PDE3A: variants seen among roughly 807,000 people sequenced by gnomAD.
PDE3A encodes the protein phosphodiesterase 3A.
A neutral mutation model predicts 98.3 loss-of-function variants in PDE3A; 43 were observed. The observed-to-expected ratio is 0.44, with a 90% CI of 0.34 to 0.56. The LOEUF is 0.56. Ranked by LOEUF, PDE3A falls within the 20% of genes least tolerant of loss-of-function variation. PDE3A has a pLI of 0.01. For missense variants in PDE3A, 1,427 were observed against 1,440.7 expected (o/e 0.99, Z 0.15); for synonymous variants, 663 against 567.9 (o/e 1.17, Z -2.38).
chr12:20,629,313 T>A (rs543256147), intron 5 of PDE3A, among the ~76,000 whole-genome samples: 5 of 152,306 alleles, frequency 3.3e-5, no homozygotes, highest in African/African-American at 1.2e-4. Context: ...TTATATTACA[T>A]TTTAAAATGT....
At chr12:20,589,340 A>AT (rs987489768) in intron 2 of PDE3A, among the ~76,000 whole-genome samples, 1 of 152,138 alleles carries the variant, frequency 6.6e-6, no homozygotes, top group Non-Finnish European at 1.5e-5. Context: ...CAGAAACAAT[A>AT]TTTTTGCCAT....
chr12:20,491,653 G>A (rs2121047801), intron 1 of PDE3A, among the ~76,000 whole-genome samples: 1 of 152,220 alleles, frequency 6.6e-6, no homozygotes, highest in Non-Finnish European at 1.5e-5. Context: ...ATGTCATGTA[G>A]GCATCATACT....
At chr12:20,561,539 G>A (rs533005174) in intron 2 of PDE3A, among the ~76,000 whole-genome samples, 2 of 152,142 alleles carry the variant, frequency 1.3e-5, no homozygotes, top group African/African-American at 2.4e-5. Context: ...ACTTTGATTC[G>A]CAAAACATGG....
chr12:20,502,315 A>G (rs935730133), intron 1 of PDE3A, among the ~76,000 whole-genome samples: 1 of 152,180 alleles, frequency 6.6e-6, no homozygotes, highest in Non-Finnish European at 1.5e-5. Flanking sequence ...TCACAATCAT[A>G]CAGAAAAGTA....
intron 1 of PDE3A, among the ~76,000 whole-genome samples, chr12:20,465,411 A>G (rs1346399136): frequency 2.6e-5 from 4 of 151,868 alleles, no homozygotes; most frequent in Non-Finnish European, 5.9e-5. Flanking sequence ...ATTTTATTTT[A>G]TTTATTTGTT....
intron 1 of PDE3A, among the ~76,000 whole-genome samples, chr12:20,443,535 T>C (rs1024573499): frequency 3.9e-5 from 6 of 152,186 alleles, no homozygotes; most frequent in Non-Finnish European, 5.9e-5. Flanking sequence ...TTCAAAAAAT[T>C]TGACTAGTCA....
At chr12:20,397,750 G>A (rs1001811698) in intron 1 of PDE3A, among the ~76,000 whole-genome samples, 2 of 151,874 alleles carry the variant, frequency 1.3e-5, no homozygotes, top group African/African-American at 4.8e-5. Flanking sequence ...ATATTTTAAA[G>A]ATGGCCTATA....
intron 1 of PDE3A, among the ~76,000 whole-genome samples, chr12:20,525,605 A>G (rs1449697374): frequency 2.0e-5 from 3 of 152,180 alleles, no homozygotes; most frequent in Non-Finnish European, 4.4e-5. Flanking sequence ...ATTTCAGAAT[A>G]TAACACCAGT....
intron 15 of PDE3A, among the ~76,000 whole-genome samples, chr12:20,674,741 G>A (rs947554787): frequency 1.3e-5 from 2 of 151,888 alleles, no homozygotes; most frequent in African/African-American, 2.4e-5. Context: ...ATACATACTT[G>A]TTCAAAATAG....
At chr12:20,642,527 AT>A (rs1445231301) in intron 10 of PDE3A, among the ~76,000 whole-genome samples, 1 of 152,176 alleles carries the variant, frequency 6.6e-6, no homozygotes, top group Non-Finnish European at 1.5e-5. Context: ...ATCCATTCAT[AT>A]TCATTCATCG....
chr12:20,472,536 A>C (rs567555491), intron 1 of PDE3A, among the ~76,000 whole-genome samples: 4 of 152,236 alleles, frequency 2.6e-5, no homozygotes, highest in African/African-American at 7.2e-5. Context: ...TCAGTTGTTA[A>C]ATCTGTCTCT....
rs1945960966 is a variant in PDE3A, at chr12:20,686,343, T to C, written c.*6072T>C. On this transcript the variant is annotated 3_prime_UTR_variant, in exon 16 of 16. Coordinates refer to ENST00000359062, the MANE Select transcript of PDE3A (RefSeq NM_000921.5). ...ATAAAATAAATGTTCTATTAATGTA[T>C]ATTTTATTTTACTAAGTTCTAACAC... Among the ~76,000 whole-genome samples, 2 of 152,158 alleles carry C rather than the reference T, an allele frequency of 1.3e-5. No homozygotes were observed. Among genetic ancestry groups the C allele is most frequent in the Middle Eastern group, 3.2e-3 (1 of 316 alleles).
chr12:20,527,972 C>A (rs1031587921), intron 1 of PDE3A, among the ~76,000 whole-genome samples: 1 of 151,498 alleles, frequency 6.6e-6, no homozygotes, highest in Non-Finnish European at 1.5e-5. Context: ...TCTGTCTACC[C>A]GGCTGTAAGT....
chr12:20,477,017 A>T (rs1255616596), intron 1 of PDE3A, among the ~76,000 whole-genome samples: 1 of 152,178 alleles, frequency 6.6e-6, no homozygotes, highest in Non-Finnish European at 1.5e-5. Flanking sequence ...CTTGTTAACT[A>T]CTAATACTAT....
intron 15 of PDE3A, among the ~76,000 whole-genome samples, chr12:20,667,973 G>T (rs575596133): frequency 2.6e-5 from 4 of 152,130 alleles, no homozygotes; most frequent in African/African-American, 9.7e-5. Flanking sequence ...GACAGTGGGC[G>T]CAGGTCAGTG....
At chr12:20,653,643 G>A (rs941040515) in intron 14 of PDE3A, among the ~76,000 whole-genome samples, 1 of 152,180 alleles carries the variant, frequency 6.6e-6, no homozygotes. Flanking sequence ...ACCACGCCCA[G>A]CCTCACCATT....
At chr12:20,386,308 TA>T (rs1158597331) in intron 1 of PDE3A, among the ~76,000 whole-genome samples, 30 of 141,652 alleles carry the variant, frequency 2.1e-4, no homozygotes, top group African/African-American at 4.7e-4. Context: ...AAAAAAATAC[TA>T]AAAAAAAATT....
chr12:20,444,537 G>A (rs1944922395), intron 1 of PDE3A, among the ~76,000 whole-genome samples: 1 of 152,182 alleles, frequency 6.6e-6, no homozygotes, highest in African/African-American at 2.4e-5. Context: ...CTTTCTGTCA[G>A]TCTCTATGTT....
At position 20,630,030 on chromosome 12, in the gene PDE3A, G is replaced by A. The variant is rs1197513975; in HGVS notation, c.1663G>A (p.Ala555Thr). The A allele has an allele frequency of 1.2e-6, 2 of 1,613,960 alleles. No individual in the cohort carries two copies. Among genetic ancestry groups the A allele is most frequent in the Middle Eastern group, 1.7e-4 (1 of 6,060 alleles). ...VQFPESADTT[A>T]KQSLGSHRAL... ...GTTTCCAGAATCTGCTGACACAACT[G>A]CCAAACAAAGCCTAGGTTCTCACAG... The change falls in exon 6 of 16, where the codon GCC becomes ACC. Residue 555 changes from alanine to threonine, a missense_variant. Physicochemically the swap from Ala to Thr is moderately conservative, Grantham distance 58 (BLOSUM62 0). This residue lies in a region of PDE3A where 1,012 missense variants were observed against 886.5 expected (regional missense o/e 1.14). Coordinates refer to ENST00000359062, the MANE Select transcript of PDE3A (RefSeq NM_000921.5).
Sources: gnomAD v4.1 joint callset for allele counts (sites outside exome capture counted in the v4.1 genomes callset) on GRCh38, gnomAD v4.1.1 for gene constraint, gnomAD v4.1.1 regional missense constraint, MANE v1.5 for transcripts, NCBI Gene and HGNC (gene_info 2026-07-23, HGNC 2026-07-21) for gene names.